Variants in CACNA1E observed in about 807,000 individuals in gnomAD.
CACNA1E encodes the protein voltage-dependent R-type calcium channel subunit alpha-1E.
In CACNA1E, 40 loss-of-function variants were observed where a neutral mutation model predicts 259.2. The observed-to-expected ratio is 0.15, with a 90% CI of 0.12 to 0.20. CACNA1E has a LOEUF of 0.20. Ranked by LOEUF, CACNA1E falls within the 10% of genes least tolerant of loss-of-function variation. The pLI is 1.00. For synonymous variants in CACNA1E, 1,104 were observed against 1,138.5 expected, an observed-to-expected ratio of 0.97 and a Z score of 0.61; for missense variants, 1,874 against 3,040.1, an observed-to-expected ratio of 0.62 and a Z score of 9.02.
chr1:181,743,640 T>C (rs191654152), intron 25 of CACNA1E, among the ~76,000 whole-genome samples: 33 of 152,318 alleles, frequency 2.2e-4, no homozygotes, highest in Admixed American at 1.4e-3. Flanking sequence ...AGGGACAGCA[T>C]CTCTGGAGAA....
chr1:181,495,637 TGCC>T, intron 1 of CACNA1E, among the ~76,000 whole-genome samples: 1 of 152,358 alleles, frequency 6.6e-6, no homozygotes, highest in East Asian at 1.9e-4. Flanking sequence ...ACCTGAGTGC[TGCC>T]AGATAATGTT....
chr1:181,654,405 A>T (rs997708447), intron 7 of CACNA1E, among the ~76,000 whole-genome samples: 3 of 152,170 alleles, frequency 2.0e-5, no homozygotes, highest in Non-Finnish European at 1.5e-5. Flanking sequence ...GGAGTTCTAT[A>T]AAAAGAACAG....
chr1:181,710,120 C>A (rs761468179), intron 7 of CACNA1E, among the ~76,000 whole-genome samples: 1 of 152,150 alleles, frequency 6.6e-6, no homozygotes, highest in Non-Finnish European at 1.5e-5. Flanking sequence ...GCCCCCTGAG[C>A]CCATCTTGGG....
At chr1:181,497,976 G>C (rs7532402) in intron 1 of CACNA1E, among the ~76,000 whole-genome samples, 90,728 of 151,994 alleles carry the variant, frequency 0.6, 29,089 homozygotes, top group African/African-American at 0.85. Context: ...TCTTTCCCCC[G>C]CCAAAACTCC....
intron 3 of CACNA1E, among the ~76,000 whole-genome samples, chr1:181,551,193 C>G (rs956561736): frequency 1.3e-5 from 2 of 152,158 alleles, no homozygotes; most frequent in Non-Finnish European, 2.9e-5. Flanking sequence ...TCAGGGCATC[C>G]TGTTGGGGAA....
At chr1:181,649,787 G>A (rs1658594728) in intron 6 of CACNA1E, among the ~76,000 whole-genome samples, 1 of 152,144 alleles carries the variant, frequency 6.6e-6, no homozygotes, top group African/African-American at 2.4e-5. Context: ...TCACTTATAG[G>A]TGGGGGATAA....
At position 181,507,142 on chromosome 1, in the gene CACNA1E, G is replaced by A. The variant is rs115079457; in HGVS notation, c.267-3335G>A. ...AAGAGGATTTGGCTGGAGAGGAAGT[G>A]AGAATAGGGTCTTCTTAGAACCTGT... On this transcript the variant is annotated intron_variant, in intron 1 of 47. Coordinates refer to ENST00000367573, the MANE Select transcript of CACNA1E (RefSeq NM_001205293.3). Among the ~76,000 whole-genome samples, 1,358 of 152,348 alleles carry A rather than the reference G, an allele frequency of 8.9e-3. 16 individuals carry two copies. The highest frequency in any genetic ancestry group is 0.03 in the African/African-American group (1,267 of 41,574).
At chr1:181,519,759 T>C (rs1666856931) in intron 3 of CACNA1E, among the ~76,000 whole-genome samples, 1 of 152,172 alleles carries the variant, frequency 6.6e-6, no homozygotes, top group South Asian at 2.1e-4. Flanking sequence ...CTTGGTTGTA[T>C]TTAGGCCATG....
chr1:181,771,723 G>T lies in CACNA1E; in HGVS notation c.4973+339G>T, dbSNP rs1041915554. ...TTTAACTTCAACATGGCCTGCAAGG[G>T]TTTGGGAGGGGGGAATGTCAGGACA... On this transcript the variant is annotated intron_variant, in intron 36 of 47. Coordinates refer to ENST00000367573, the MANE Select transcript of CACNA1E (RefSeq NM_001205293.3). 11 of 465,200 alleles carry T rather than the reference G, an allele frequency of 2.4e-5. No homozygotes were observed. The Admixed American group carries it at 3.3e-4, about 14-fold the overall frequency. The allele number at this position is 465,200 out of a possible 1,614,324, so 28.8% of individuals were successfully genotyped here.
chr1:181,785,365 G>A lies in CACNA1E; in HGVS notation c.5626G>A (p.Asp1876Asn), dbSNP rs1467228712. ...GKIYAAMMIM[D>N]YYKQSKVKKQ... ...AATCTATGCAGCAATGATGATCATG[G>A]ACTACTATAAGCAGAGTAAGGTGAA... Residue 1876 changes from aspartate to asparagine, a missense_variant, in exon 42 of 48, where the codon GAC becomes AAC. Transcript: ENST00000367573. 1 of 1,613,740 alleles carries A rather than the reference G, an allele frequency of 6.2e-7. No homozygotes were observed. Among genetic ancestry groups the A allele is most frequent in the South Asian group, 1.1e-5 (1 of 90,998 alleles).
Position 181,796,907 on chromosome 1 carries a change from G to C in CACNA1E, c.6399+49G>C. On this transcript the variant is annotated intron_variant, in intron 47 of 47. Transcript: ENST00000367573. ...CTACAGCAGAAGGACAGGGGAGGGT[G>C]GGCTGTATCATTAGATGCAAGTCGT... is the stretch of plus-strand genomic sequence containing the variant. 3.6e-6 allele frequency: 5 copies of C among 1,372,096 alleles called. No homozygotes were observed. The South Asian group carries it at 4.3e-5, about 12-fold the overall frequency. The allele number at this position is 1,372,096 out of a possible 1,614,324, so 85.0% of individuals were successfully genotyped here.
chr1:181,495,727 G>A (rs1664688634), intron 1 of CACNA1E, among the ~76,000 whole-genome samples: 1 of 152,180 alleles, frequency 6.6e-6, no homozygotes, highest in Admixed American at 6.5e-5. Context: ...CACTTTCCCT[G>A]CTTTGCCTGC....
At chr1:181,385,522 G>A (rs1032166745) in intron 1 of CACNA1E, among the ~76,000 whole-genome samples, 1 of 152,276 alleles carries the variant, frequency 6.6e-6, no homozygotes, top group Non-Finnish European at 1.5e-5. Context: ...TTATAAGCGC[G>A]TCCTTGAATT....
chr1:181,403,258 C>T (rs563557794), intron 1 of CACNA1E, among the ~76,000 whole-genome samples: 1 of 150,936 alleles, frequency 6.6e-6, no homozygotes, highest in South Asian at 2.1e-4. Context: ...GGATTTGTTG[C>T]ATAAAAGCCC....
intron 1 of CACNA1E, among the ~76,000 whole-genome samples, chr1:181,385,730 A>G (rs1160133305): frequency 7.3e-6 from 1 of 137,240 alleles, no homozygotes; most frequent in African/African-American, 2.7e-5. Flanking sequence ...TCCCTACTCC[A>G]CTTCCTTCCT....
chr1:181,355,671 A>G (rs1653375881), intron 1 of CACNA1E, among the ~76,000 whole-genome samples: 1 of 152,200 alleles, frequency 6.6e-6, no homozygotes, highest in African/African-American at 2.4e-5. Flanking sequence ...CCCAGGTCCC[A>G]TGATTAAGTG....
chr1:181,419,702 G>A (rs992078062), intron 2 of CACNA1E, among the ~76,000 whole-genome samples: 3 of 152,232 alleles, frequency 2.0e-5, no homozygotes, highest in Non-Finnish European at 2.9e-5. Flanking sequence ...GAATGATGAA[G>A]TAAACATATT....
At chr1:181,494,213 G>T (rs1406031701) in intron 1 of CACNA1E, among the ~76,000 whole-genome samples, 1 of 152,104 alleles carries the variant, frequency 6.6e-6, no homozygotes, top group African/African-American at 2.4e-5. Context: ...TAAAATCCCT[G>T]CAAGGGAGGG....
chr1:181,756,870 T>C, intron 29 of CACNA1E, 55 bp from the exon 30 acceptor site: 1 of 1,193,316 alleles, frequency 8.4e-7, no homozygotes, highest in South Asian at 1.3e-5. Context: ...GCACATTTCC[T>C]AACGAAGCCA....
Sources: gnomAD v4.1 joint callset for allele counts (sites outside exome capture counted in the v4.1 genomes callset) on GRCh38, gnomAD v4.1.1 for gene constraint, MANE v1.5 for transcripts, NCBI Gene and HGNC (gene_info 2026-07-23, HGNC 2026-07-21) for gene names.